The following CACNA1A variants were observed in gnomAD, a reference collection of about 807,000 sequenced individuals.
CACNA1A encodes calcium voltage-gated channel subunit alpha1 A, also known as voltage-dependent P/Q-type calcium channel subunit alpha-1A.
In CACNA1A, 57 loss-of-function variants were observed where a neutral mutation model predicts 262.4. The ratio of observed to expected loss-of-function variants is 0.22; its 90% CI spans 0.18 to 0.27. CACNA1A has a LOEUF of 0.27. CACNA1A is among the 10% of genes least tolerant of loss of function. The pLI is 1.00. For synonymous variants in CACNA1A, 1,431 were observed against 1,419.3 expected, an observed-to-expected ratio of 1.01 and a Z score of -0.18; for missense variants, 2,526 against 3,562.8, an observed-to-expected ratio of 0.71 and a Z score of 7.41.
chr19:13,444,967 G>A (rs1021551674), intron 3 of CACNA1A, among the ~76,000 whole-genome samples: 4 of 151,956 alleles, frequency 2.6e-5, no homozygotes, highest in South Asian at 2.1e-4. Flanking sequence ...GAGAAACCTC[G>A]TCTCTACTAA....
intron 30 of CACNA1A, among the ~76,000 whole-genome samples, chr19:13,250,511 C>T (rs950378089): frequency 7.2e-5 from 11 of 152,170 alleles, no homozygotes; most frequent in Admixed American, 2.6e-4. Flanking sequence ...ATTCTCCTGC[C>T]TCAGCCTCCC....
At chr19:13,345,970 A>G (rs6511859) in intron 6 of CACNA1A, among the ~76,000 whole-genome samples, 99,303 of 145,484 alleles carry the variant, frequency 0.68, 34,238 homozygotes, top group East Asian at 0.86. Context: ...GGGTGATCTC[A>G]ACTCACTGCA....
At chr19:13,357,571 C>T (rs1330948225) in intron 6 of CACNA1A, among the ~76,000 whole-genome samples, 1 of 152,282 alleles carries the variant, frequency 6.6e-6, no homozygotes, top group East Asian at 1.9e-4. Context: ...ATCCTGAATC[C>T]TTGGCTCTGC....
intron 3 of CACNA1A, among the ~76,000 whole-genome samples, chr19:13,402,446 C>T (rs991705358): frequency 1.3e-5 from 2 of 151,502 alleles, no homozygotes; most frequent in Admixed American, 6.6e-5. Flanking sequence ...GTATACTGCC[C>T]GGGTGATGGG....
At chr19:13,394,068 T>A (rs2059768277) in intron 3 of CACNA1A, among the ~76,000 whole-genome samples, 2 of 152,172 alleles carry the variant, frequency 1.3e-5, no homozygotes, top group Non-Finnish European at 2.9e-5. Flanking sequence ...AATAAAAGGT[T>A]AAAAATATAT....
intron 3 of CACNA1A, among the ~76,000 whole-genome samples, chr19:13,404,919 T>C (rs2059975764): frequency 6.6e-6 from 1 of 152,136 alleles, no homozygotes; most frequent in East Asian, 1.9e-4. Context: ...TTATTTGAGA[T>C]GGAGTCTCAC....
At chr19:13,445,287 A>C (rs1599470176) in intron 3 of CACNA1A, among the ~76,000 whole-genome samples, 1 of 152,362 alleles carries the variant, frequency 6.6e-6, no homozygotes, top group South Asian at 2.1e-4. Context: ...CCCTTCTAAA[A>C]AGGAACCTTC....
intron 5 of CACNA1A, chr19:13,363,159 C>A (rs952317967): frequency 2.0e-5 from 3 of 152,132 alleles, no homozygotes; most frequent in African/African-American, 7.2e-5. Context: ...CCTCAAAACC[C>A]CACTCGGACC....
intron 1 of CACNA1A, among the ~76,000 whole-genome samples, chr19:13,459,918 C>T (rs185367584): frequency 6.6e-6 from 1 of 152,252 alleles, no homozygotes; most frequent in African/African-American, 2.4e-5. Context: ...GGATTTCAGA[C>T]CCAGGGCTCT....
chr19:13,449,630 C>G (rs1049140008), intron 3 of CACNA1A, among the ~76,000 whole-genome samples: 1 of 152,104 alleles, frequency 6.6e-6, no homozygotes, highest in African/African-American at 2.4e-5. Flanking sequence ...CTTATCTATG[C>G]ATGTAGTCAA....
At chr19:13,393,687 TTTTC>T (rs201583679) in intron 3 of CACNA1A, among the ~76,000 whole-genome samples, 331 of 79,698 alleles carry the variant, frequency 4.2e-3, no homozygotes, top group African/African-American at 9.5e-3. Context: ...CTTTCTTTCC[TTTTC>T]TTTCTTTACC....
chr19:13,331,607 C>G (rs1203444695), intron 9 of CACNA1A, among the ~76,000 whole-genome samples: 1 of 152,094 alleles, frequency 6.6e-6, no homozygotes, highest in Non-Finnish European at 1.5e-5. Context: ...TCAGGGAGTA[C>G]TATTATTTTT....
chr19:13,210,897 A>C, intron 43 of CACNA1A: 1 of 578,038 alleles, frequency 1.7e-6, no homozygotes, highest in Non-Finnish European at 3.1e-6. Context: ...GAGGAGACAG[A>C]CAGGAGATGC....
rs996847195 is a variant in CACNA1A at position 13,236,108 on chromosome 19, G to A, written c.4951-378C>T. Among the ~76,000 whole-genome samples, 1 of 151,756 alleles carries A rather than the reference G, an allele frequency of 6.6e-6. No homozygotes were observed. The highest frequency in any genetic ancestry group is 6.6e-5 in the Admixed American group (1 of 15,216). ...GAATCATCCAATCAGGAAAAAAATC[G>A]AGATGGTTTTTGTTTCTCCCAACAA... On this transcript the variant is annotated intron_variant, in intron 31 of 46. Transcript: ENST00000360228. The surrounding 1 kb of genome is among the most constrained non-coding windows in gnomAD (Gnocchi z 4.6).
At chr19:13,385,847 G>A (rs1194801004) in intron 3 of CACNA1A, among the ~76,000 whole-genome samples, 4 of 152,038 alleles carry the variant, frequency 2.6e-5, no homozygotes, top group African/African-American at 9.7e-5. Context: ...TCTAGAAGAG[G>A]TGGAAGGCTC....
chr19:13,406,165 T>C (rs769110779), intron 3 of CACNA1A, among the ~76,000 whole-genome samples: 3 of 150,812 alleles, frequency 2.0e-5, no homozygotes, highest in Non-Finnish European at 4.4e-5. Flanking sequence ...AAAAAGGTAA[T>C]ATAAAAAGGA....
chr19:13,298,217 G>A (rs1216717607), intron 19 of CACNA1A, among the ~76,000 whole-genome samples: 8 of 132,970 alleles, frequency 6.0e-5, no homozygotes, highest in Non-Finnish European at 1.3e-4. Flanking sequence ...TGCAACCTCC[G>A]CCCCCTGTTT....
At chr19:13,500,870 C>T (rs972549973) in intron 1 of CACNA1A, among the ~76,000 whole-genome samples, 5 of 152,198 alleles carry the variant, frequency 3.3e-5, no homozygotes, top group African/African-American at 9.6e-5. Flanking sequence ...AAGGAAGGCG[C>T]TACTGTCACA....
intron 6 of CACNA1A, among the ~76,000 whole-genome samples, chr19:13,357,745 T>C (rs1367835447): frequency 3.9e-5 from 6 of 152,206 alleles, no homozygotes; most frequent in Non-Finnish European, 7.3e-5. Context: ...GGCTCACACC[T>C]GTAATCCTAG....
Sources: gnomAD v4.1 joint callset for allele counts (sites outside exome capture counted in the v4.1 genomes callset) on GRCh38, gnomAD v4.1.1 for gene constraint, Gnocchi (gnomAD v3.1) non-coding constraint, MANE v1.5 for transcripts, NCBI Gene and HGNC (gene_info 2026-07-23, HGNC 2026-07-21) for gene names.